TAF7L: variants seen among roughly 807,000 people sequenced by gnomAD.
The protein encoded by TAF7L is TATA-box binding protein associated factor 7 like.
TAF7L carries 6 observed loss-of-function variants against 30.2 expected under a neutral mutation model. The observed-to-expected ratio is 0.20, with a 90% confidence interval of 0.11 to 0.39. The LOEUF is 0.39. Among genes scored for constraint, TAF7L ranks in the 10% least tolerant of loss-of-function variants. The pLI is 1.00. For synonymous variants in TAF7L, 93 were observed against 94.5 expected, an observed-to-expected ratio of 0.98 and a Z score of 0.09; for missense variants, 284 against 277.1, an observed-to-expected ratio of 1.03 and a Z score of -0.18.
intron 5 of TAF7L, 108 bp from the exon 6 acceptor site, chrX:101,281,883 T>A: frequency 1.1e-5 from 6 of 526,387 alleles, no homozygotes; most frequent in Non-Finnish European, 1.7e-5. Flanking sequence ...ATGACATCAC[T>A]CCTTTTTTTT....
intron 6 of TAF7L, among the ~76,000 whole-genome samples, chrX:101,279,974 A>C (rs12395122): frequency 0.021 from 2,296 of 110,672 alleles, 71 homozygotes; most frequent in African/African-American, 0.07. Context: ...ACAACAAAAA[A>C]AAAACCTTGA....
chrX:101,282,502 T>G (rs1332386652), intron 4 of TAF7L, 49 bp from the exon 5 acceptor site: 2 of 1,187,185 alleles, frequency 1.7e-6, no homozygotes, highest in Non-Finnish European at 2.3e-6. Flanking sequence ...GAATTTTGGG[T>G]TAGCAATCAT....
At chrX:101,293,079 T>A, upstream of TAF7L, 1 of 1,198,808 alleles carries the variant, frequency 8.3e-7, no homozygotes. Flanking sequence ...AATGGCTTCC[T>A]GTGTAGTCAT....
chrX:101,289,577 C>T (rs1245715365), intron 1 of TAF7L, among the ~76,000 whole-genome samples: 1 of 110,999 alleles, frequency 9.0e-6, no homozygotes. Flanking sequence ...AGGGCCCACA[C>T]TTTTGTTTTG....
intron 7 of TAF7L, 55 bp from the exon 8 acceptor site, chrX:101,278,176 G>T: frequency 2.0e-6 from 2 of 984,170 alleles, no homozygotes; most frequent in Non-Finnish European, 2.9e-6. Context: ...TTAACACCCT[G>T]TGTGTTGCAG....
At chrX:101,279,659 C>T (rs1442804989) in intron 6 of TAF7L, among the ~76,000 whole-genome samples, 1 of 111,217 alleles carries the variant, frequency 9.0e-6, no homozygotes, top group Non-Finnish European at 1.9e-5. Flanking sequence ...AAGATATGGA[C>T]TCTAGAATGG....
chrX:101,292,252 T>A (rs201546936), upstream of TAF7L, among the ~76,000 whole-genome samples: 304 of 23,282 alleles, frequency 0.013, 3 homozygotes, highest in South Asian at 0.028. Context: ...AAAAAAAAAA[T>A]AAATAAAAAA....
Position 101,275,254 on chromosome X carries a change from G to A in TAF7L, c.1054C>T (p.Leu352Phe), listed in dbSNP as rs1924120144. 5.1e-6 allele frequency: 6 copies of A among 1,187,474 alleles called. No individual in the cohort carries two copies. Among genetic ancestry groups the A allele is most frequent in the Non-Finnish European group, 6.8e-6 (6 of 882,798 alleles). ...KNHFQSVLEQ[L>F]ELQEKQKNEK... ...TTTTTTTGTTTTTCCTGTAACTCAA[G>A]CTGCTCCAGCACAGACTGAAAATGA... The change falls in exon 12 of 13, where the codon CTT (leucine) becomes TTT (phenylalanine). Residue 352 changes from leucine (L) to phenylalanine (F), a missense_variant. Physicochemically the swap from Leu to Phe is conservative, Grantham distance 22. Coordinates refer to ENST00000356784, the MANE Select transcript of TAF7L (RefSeq NM_001168474.2).
chrX:101,271,237 C>T (rs1266616272), intron 12 of TAF7L, among the ~76,000 whole-genome samples: 1 of 111,830 alleles, frequency 8.9e-6, no homozygotes, highest in Non-Finnish European at 1.9e-5. Context: ...CTATGCTGCT[C>T]CTCAATACTA....
At chrX:101,275,324 G>GAAA (rs199961591) in intron 11 of TAF7L, 43 bp from the exon 12 acceptor site, 30 of 682,262 alleles carry the variant, frequency 4.4e-5, no homozygotes, top group Admixed American at 8.2e-5. Flanking sequence ...GAGTCTCAAA[G>GAAA]AAAAAAAAAA....
At position 101,269,225 on chromosome X, in the gene TAF7L, G is replaced by T; in HGVS notation, c.1099C>A (p.Gln367Lys). The T allele has an allele frequency of 8.3e-7, 1 of 1,208,161 alleles. No individual in the cohort carries two copies. Among genetic ancestry groups the T allele is most frequent in the South Asian group, 1.8e-5 (1 of 56,175 alleles). The stretch of plus-strand genomic sequence containing the variant: ...TTCAGAAAACGCTGCAACTGTTCCT[G>T]TAGGGAAATGAGCTGTAGGGAGAGG... ...KQKNEKLISL[Q>K]EQLQRFLKK The change falls in exon 13 of 13, where the codon CAG (glutamine) becomes AAG (lysine). Residue 367 changes from glutamine to lysine, a missense_variant. Physicochemically the swap from Gln to Lys is moderately conservative, Grantham distance 53 (BLOSUM62 1). Transcript: ENST00000356784.
chrX:101,287,743 C>A, intron 1 of TAF7L, 198 bp from the exon 2 acceptor site: 1 of 335,855 alleles, frequency 3.0e-6, no homozygotes, highest in Non-Finnish European at 5.3e-6. Flanking sequence ...CTTAGCTCCT[C>A]TCCAATATGT....
rs774311882 is a variant in TAF7L at position 101,286,577 on chromosome X, A to G, written c.143T>C (p.Leu48Ser). Residue 48 changes from leucine (L) to serine (S), a missense_variant and splice_region_variant, in exon 3 of 13, where the codon TTG (leucine) becomes TCG (serine). Coordinates refer to ENST00000356784, the MANE Select transcript of TAF7L (RefSeq NM_001168474.2). ...KMKDKLKIDL[L>S]PDGRHAVVEV... is the part of the protein sequence containing the mutation. The stretch of plus-strand genomic sequence containing the variant: ...GTGAATGGATATTAACTACTTACGC[A>G]ATAAGTCAATTTTTAGTTTATCCTT... 2 of 1,195,430 alleles carry G rather than the reference A, an allele frequency of 1.7e-6. No individual in the cohort carries two copies. The highest frequency in any genetic ancestry group is 2.3e-6 in the Non-Finnish European group (2 of 881,917).
At position 101,269,022 on chromosome X, in the gene TAF7L, C is replaced by T; in HGVS notation, c.*171G>A. Reference sequence around the variant, plus strand: ...AAGTCTACTACATTTTTATACTGGCCTTTTCTACATGACTACAAACTGTGA... The same window carrying T: ...AAGTCTACTACATTTTTATACTGGCTTTTTCTACATGACTACAAACTGTGA... On this transcript the variant is annotated 3_prime_UTR_variant, in exon 13 of 13. Coordinates refer to ENST00000356784, the MANE Select transcript of TAF7L (RefSeq NM_001168474.2). 1 of 377,478 alleles carries T rather than the reference C, an allele frequency of 2.6e-6. No homozygotes were observed. Among genetic ancestry groups the T allele is most frequent in the Middle Eastern group, 4.0e-4 (1 of 2,506 alleles). The allele number at this position is 377,478 out of a possible 1,213,427, so 31.1% of individuals were successfully genotyped here.
chrX:101,282,042 C>T lies in TAF7L; in HGVS notation c.407-267G>A, dbSNP rs753630840. On this transcript the variant is annotated intron_variant, in intron 5 of 12. Transcript: ENST00000356784. Reference sequence around the variant, plus strand: ...CTGGGATTACAGGTGCCCGCCACCACACCCAACTAATTTTTGTATTTTTAG... The same window carrying T: ...CTGGGATTACAGGTGCCCGCCACCATACCCAACTAATTTTTGTATTTTTAG... 4.5e-5 allele frequency among the ~76,000 whole-genome samples: 5 copies of T among 109,969 alleles called. No individual in the cohort carries two copies. The South Asian group carries it at 2.0e-3, about 44-fold the overall frequency.
At chrX:101,277,415 G>A (rs1288307009) in intron 9 of TAF7L, among the ~76,000 whole-genome samples, 191 bp downstream of exon 9, 2 of 85,577 alleles carry the variant, frequency 2.3e-5, no homozygotes, top group African/African-American at 9.3e-5. Flanking sequence ...TCACGCCACT[G>A]CACTCCAGCC....
At chrX:101,281,313 AAAG>A (rs1341679048) in intron 6 of TAF7L, among the ~76,000 whole-genome samples, 1 of 112,250 alleles carries the variant, frequency 8.9e-6, no homozygotes, top group Non-Finnish European at 1.9e-5. Context: ...ATTTTAAACA[AAAG>A]AAGAAGCCAA....
rs776951560 is a variant in TAF7L, at chrX:101,268,405, TAGG to T, written c.*785_*787del. ...CTTCCTAACCTTAACTGATGAGGGT[TAGG>T]AGGAGAAGGCTCAGAATAAGGATAA... On this transcript the variant is annotated 3_prime_UTR_variant, in exon 13 of 13. Transcript: ENST00000356784. 6 of 112,257 alleles carry T rather than the reference TAGG, an allele frequency of 5.3e-5. No individual in the cohort carries two copies. Among genetic ancestry groups the T allele is most frequent in the African/African-American group, 1.3e-4 (4 of 30,928 alleles). The allele number at this position is 112,257 out of a possible 1,213,427, so 9.3% of individuals were successfully genotyped here.
At chrX:101,284,385 G>T (rs970694329) in intron 3 of TAF7L, among the ~76,000 whole-genome samples, 2 of 111,725 alleles carry the variant, frequency 1.8e-5, no homozygotes, top group African/African-American at 6.5e-5. Flanking sequence ...TTTTCTTTGA[G>T]AAGGAGTCTC....
Sources: gnomAD v4.1 joint callset for allele counts (sites outside exome capture counted in the v4.1 genomes callset) on GRCh38, gnomAD v4.1.1 for gene constraint, MANE v1.5 for transcripts, NCBI Gene and HGNC (gene_info 2026-07-23, HGNC 2026-07-21) for gene names.